Variants in PGAP4 observed in about 807,000 individuals in gnomAD.
PGAP4 encodes the protein GPI-N-acetylgalactosamine transferase PGAP4.
Under a neutral mutation model 28.2 loss-of-function variants are expected in PGAP4, and 12 were observed. The ratio of observed to expected loss-of-function variants is 0.42; its 90% CI spans 0.27 to 0.69. The LOEUF (loss-of-function observed/expected upper bound fraction) is 0.69, where lower values mean the gene tolerates loss of function less well. Ranked by LOEUF, PGAP4 falls within the 30% of genes least tolerant of loss-of-function variation. The pLI is 0.22. For missense variants in PGAP4, 425 were observed against 513.5 expected, an observed-to-expected ratio of 0.83 and a Z score of 1.67; for synonymous variants, 205 against 211.8, an observed-to-expected ratio of 0.97 and a Z score of 0.28.
In PGAP4 at chr9:101,476,918, T is replaced by C; in HGVS notation, c.175A>G (p.Asn59Asp). The stretch of plus-strand genomic sequence containing the variant: ...TGCAGGAACTCTTGGCTCATTTGGT[T>C]CAGATGCCAATGGCGCAGATAGAAG... ...SYFYLRHWHL[N>D]QMSQEFLQQS... Residue 59 changes from asparagine to aspartate, a missense_variant, in exon 2 of 2, where the codon AAC becomes GAC. Coordinates refer to ENST00000374848, the MANE Select transcript of PGAP4 (RefSeq NM_032342.3). The surrounding 1 kb of genome is among the most constrained non-coding windows in gnomAD (Gnocchi z 7.0). 6.2e-7 allele frequency: 1 copy of C among 1,614,060 alleles called. No homozygotes were observed. The highest frequency in any genetic ancestry group is 1.1e-5 in the South Asian group (1 of 91,086).
At chr9:101,493,491 TA>T (rs1451873692) in intron 2 of PGAP4, among the ~76,000 whole-genome samples, 5 of 152,108 alleles carry the variant, frequency 3.3e-5, no homozygotes, top group East Asian at 3.9e-4. Flanking sequence ...ATATGTAAAA[TA>T]TTTTTTTTCA....
At chr9:101,482,973 AG>A (rs1826528314) in intron 1 of PGAP4, among the ~76,000 whole-genome samples, 1 of 152,226 alleles carries the variant, frequency 6.6e-6, no homozygotes, top group African/African-American at 2.4e-5. Flanking sequence ...AATCCCATTT[AG>A]TTGACAAAAC....
At chr9:101,503,486 T>TAAG (rs1437257338) in intron 2 of PGAP4, among the ~76,000 whole-genome samples, 3 of 152,100 alleles carry the variant, frequency 2.0e-5, no homozygotes, top group African/African-American at 7.2e-5. Flanking sequence ...ATAATTTTCA[T>TAAG]GTTGGGTGGT....
At chr9:101,514,923 G>A (rs1826930792) in intron 2 of PGAP4, among the ~76,000 whole-genome samples, 1 of 152,144 alleles carries the variant, frequency 6.6e-6, no homozygotes, top group African/African-American at 2.4e-5. Context: ...CACTTCAACT[G>A]GCTCTAAGTT....
intron 2 of PGAP4, chr9:101,501,907 T>C (rs1247983608): frequency 7.6e-6 from 3 of 397,024 alleles, no homozygotes; most frequent in African/African-American, 4.1e-5. Flanking sequence ...AGGCCTCCGA[T>C]TGGAAAGGAA....
upstream of PGAP4, among the ~76,000 whole-genome samples, chr9:101,490,901 G>A (rs571236436): frequency 4.1e-4 from 62 of 152,246 alleles, no homozygotes; most frequent in Non-Finnish European, 7.8e-4. Flanking sequence ...CTGAATTCTC[G>A]CTATCGGCAA....
chr9:101,511,848 C>T (rs1826901151), intron 2 of PGAP4, among the ~76,000 whole-genome samples: 1 of 152,120 alleles, frequency 6.6e-6, no homozygotes, highest in African/African-American at 2.4e-5. Context: ...TTGCTATAGT[C>T]TGTATGTTTT....
chr9:101,500,915 G>T (rs931612309), intron 2 of PGAP4, among the ~76,000 whole-genome samples: 2 of 151,992 alleles, frequency 1.3e-5, no homozygotes, highest in African/African-American at 4.8e-5. Context: ...TGATGTCTGT[G>T]GTGGGGGACT....
At chr9:101,485,097 T>C (rs1385193431) in intron 1 of PGAP4, among the ~76,000 whole-genome samples, 1 of 151,142 alleles carries the variant, frequency 6.6e-6, no homozygotes, top group African/African-American at 2.4e-5. Context: ...GCTATAGCTA[T>C]AATAAATTAA....
rs778663991 is a variant in PGAP4, at chr9:101,476,852, C to T, written c.241G>A (p.Glu81Lys). 2 of 1,609,798 alleles carry T rather than the reference C, an allele frequency of 1.2e-6. No homozygotes were observed. The highest frequency in any genetic ancestry group is 2.2e-5 in the South Asian group (2 of 90,198). The change falls in exon 2 of 2, where the codon GAG becomes AAG. Residue 81 changes from glutamate to lysine, a missense_variant. Coordinates refer to ENST00000374848, the MANE Select transcript of PGAP4 (RefSeq NM_032342.3). The surrounding 1 kb of genome is among the most constrained non-coding windows in gnomAD (Gnocchi z 7.0). Reference protein sequence around the residue: ...KEGEAALHYFEELPSANGSVP... With the variant: ...KEGEAALHYFKELPSANGSVP... ...GAGCCATTGGCAGAGGGAAGCTCCT[C>T]AAAATAGTGGAGGGCAGCCTCACCC...
chr9:101,489,598 C>G (rs992332196), upstream of PGAP4, among the ~76,000 whole-genome samples: 3 of 152,208 alleles, frequency 2.0e-5, no homozygotes, highest in Non-Finnish European at 4.4e-5. Flanking sequence ...GGTGACCCAT[C>G]AGGGAAAGAG....
Position 101,475,857 on chromosome 9 carries a change from T to A in PGAP4, c.*24A>T. On this transcript the variant is annotated 3_prime_UTR_variant, in exon 2 of 2. Coordinates refer to ENST00000374848, the MANE Select transcript of PGAP4 (RefSeq NM_032342.3). ...TTTGAATCTTCAAGAAGTGGCCAAC[T>A]TCAGAAAGGCATCTCTTGGCACCCT... The A allele has an allele frequency of 6.3e-7, 1 of 1,595,306 alleles. No homozygotes were observed. Among genetic ancestry groups the A allele is most frequent in the Non-Finnish European group, 8.5e-7 (1 of 1,171,516 alleles).
intron 1 of PGAP4, among the ~76,000 whole-genome samples, chr9:101,482,316 C>T (rs573750295): frequency 6.6e-6 from 1 of 152,174 alleles, no homozygotes; most frequent in African/African-American, 2.4e-5. Context: ...TGTGGTGGCA[C>T]GTGCCTGTAA....
chr9:101,495,475 A>ATATATATTATATATACTTATATTT (rs1564097821), intron 2 of PGAP4, among the ~76,000 whole-genome samples: 1 of 137,886 alleles, frequency 7.3e-6, no homozygotes, highest in Non-Finnish European at 1.5e-5. Context: ...TTTATATATA[A>ATATATATTATATATACTTATATTT]TATATATAGG....
chr9:101,510,108 C>A (rs959730667), intron 2 of PGAP4, among the ~76,000 whole-genome samples: 1 of 152,126 alleles, frequency 6.6e-6, no homozygotes, highest in Non-Finnish European at 1.5e-5. Flanking sequence ...ACTCATTCAT[C>A]CTCTCTAACA....
upstream of PGAP4, among the ~76,000 whole-genome samples, chr9:101,488,104 C>A (rs1487972020): frequency 5.3e-5 from 8 of 152,142 alleles, no homozygotes; most frequent in African/African-American, 1.7e-4. Flanking sequence ...ACCTTACAAA[C>A]ACCCACCTGA....
At chr9:101,502,027 CCT>C (rs977912001) in intron 2 of PGAP4, 1 of 218,958 alleles carries the variant, frequency 4.6e-6, no homozygotes, top group African/African-American at 2.3e-5. Context: ...CTTTCTCTAT[CCT>C]CTCTCATCAC....
chr9:101,475,756 C>T lies in PGAP4; in HGVS notation c.*125G>A. 9.2e-7 allele frequency: 1 copy of T among 1,082,004 alleles called. No homozygotes were observed. Among genetic ancestry groups the T allele is most frequent in the African/African-American group, 1.6e-5 (1 of 63,458 alleles). 67.0% of individuals were successfully genotyped at this position (1,082,004 alleles called of 1,614,324 possible). On this transcript the variant is annotated 3_prime_UTR_variant, in exon 2 of 2. Transcript: ENST00000374848. ...TAACATATTGAGGTTCCTCAGCTGC[C>T]CCAGTGCCTATATCTCTAACAACAG...
intron 2 of PGAP4, among the ~76,000 whole-genome samples, chr9:101,503,195 T>TA (rs1335090743): frequency 6.6e-6 from 1 of 152,072 alleles, no homozygotes; most frequent in Non-Finnish European, 1.5e-5. Context: ...TTGGAACTCT[T>TA]ACAGCCATCT....
Sources: allele counts gnomAD v4.1 joint callset (sites outside exome capture counted in the v4.1 genomes callset), GRCh38; gene constraint gnomAD v4.1.1; non-coding constraint Gnocchi (gnomAD v3.1); transcripts MANE v1.5; gene names NCBI Gene and HGNC (gene_info 2026-07-23, HGNC 2026-07-21).